ZNF248: variants seen among roughly 807,000 people sequenced by gnomAD.
ZNF248 encodes zinc finger protein 248, also known as KRAB protein domain.
In ZNF248, 20 loss-of-function variants were observed where a neutral mutation model predicts 44.3. The ratio of observed to expected loss-of-function variants is 0.45; its 90% CI spans 0.32 to 0.66. The LOEUF is 0.66. ZNF248 is among the 30% of genes least tolerant of loss of function. The pLI is 0.04. For synonymous variants in ZNF248, 224 were observed against 229.0 expected (o/e 0.98, Z 0.20); for missense variants, 654 against 677.0 (o/e 0.97, Z 0.38).
the ZNF248 span, among the ~76,000 whole-genome samples, chr10:37,765,932 C>T: frequency 6.6e-6 from 1 of 152,220 alleles, no homozygotes; most frequent in Non-Finnish European, 1.5e-5. Context: ...TTCCAACGGG[C>T]TTAAAAAACG....
chr10:37,784,780 C>T (rs2047691892), intron 6 of ZNF248, among the ~76,000 whole-genome samples: 1 of 151,888 alleles, frequency 6.6e-6, no homozygotes, highest in Non-Finnish European at 1.5e-5. Flanking sequence ...TCAATGGAAC[C>T]CGGTGAGGAG....
At chr10:37,826,095 G>T (rs1323193955), downstream of ZNF248, among the ~76,000 whole-genome samples, 1 of 152,140 alleles carries the variant, frequency 6.6e-6, no homozygotes, top group African/African-American at 2.4e-5. Context: ...AAATGATCAG[G>T]TAAGGGTAGA....
chr10:37,819,360 G>A lies in ZNF248; in HGVS notation c.330+13665C>T, dbSNP rs559276846. ...AGCTTAATTATTCTGGGATGATCCAGTTCTTTATGAATCCAGTATTCCCTA... is the reference window on the plus strand; with the variant it reads ...AGCTTAATTATTCTGGGATGATCCAATTCTTTATGAATCCAGTATTCCCTA... On this transcript the variant is annotated intron_variant, in intron 6 of 6. Coordinates refer to the ZNF248 transcript ENST00000615949. 1.5e-5 allele frequency: 19 copies of A among 1,251,070 alleles called. No homozygotes were observed. In the South Asian group the frequency reaches 2.0e-4, roughly 13 times the overall value. The allele number at this position is 1,251,070 out of a possible 1,614,324, so 77.5% of individuals were successfully genotyped here.
chr10:37,847,362 T>A (rs1290953934), intron 3 of ZNF248, among the ~76,000 whole-genome samples: 6 of 152,308 alleles, frequency 3.9e-5, no homozygotes, highest in Non-Finnish European at 8.8e-5. Flanking sequence ...ATATCCTAGT[T>A]ATTTCTTATT....
intron 6 of ZNF248, among the ~76,000 whole-genome samples, chr10:37,788,918 C>G (rs1362408095): frequency 1.3e-5 from 2 of 151,502 alleles, no homozygotes; most frequent in African/African-American, 4.9e-5. Flanking sequence ...GTCTCCCAGG[C>G]TGGAGTGCAG....
chr10:37,827,522 T>C (rs890035899), downstream of ZNF248, among the ~76,000 whole-genome samples: 1 of 152,182 alleles, frequency 6.6e-6, no homozygotes, highest in Admixed American at 6.5e-5. Context: ...TTCTTTGTCA[T>C]CTGAAAGAGA....
chr10:37,760,643 G>A, the ZNF248 span, among the ~76,000 whole-genome samples: 20 of 152,308 alleles, frequency 1.3e-4, no homozygotes, highest in Non-Finnish European at 2.4e-4. Flanking sequence ...AGACAAGCCT[G>A]GTCAACATGG....
At chr10:37,789,058 G>C (rs1589089669) in intron 6 of ZNF248, among the ~76,000 whole-genome samples, 1 of 152,164 alleles carries the variant, frequency 6.6e-6, no homozygotes, top group African/African-American at 2.4e-5. Flanking sequence ...TTTTGTTAGA[G>C]ATGGGGTTTC....
the ZNF248 span, among the ~76,000 whole-genome samples, chr10:37,758,732 A>G: frequency 6.6e-6 from 1 of 152,228 alleles, no homozygotes; most frequent in African/African-American, 2.4e-5. Context: ...CACAAAGTAC[A>G]AATATATAAT....
chr10:37,819,675 G>T lies in ZNF248; in HGVS notation c.330+13350C>A, dbSNP rs1185209712. ...TGGATCTCTGCTTCCTCCTTTTTAA[G>T]ATGACCTAACCGGAGTTTGAAGATT... On this transcript the variant is annotated intron_variant, in intron 6 of 6. Transcript: ENST00000615949. 8.8e-6 allele frequency: 7 copies of T among 794,346 alleles called. No homozygotes were observed. The African/African-American group carries it at 1.0e-4, about 11-fold the overall frequency. 49.2% of individuals were successfully genotyped at this position (794,346 alleles called of 1,614,324 possible).
intron 6 of ZNF248, among the ~76,000 whole-genome samples, chr10:37,777,642 G>A (rs527331103): frequency 2.1e-5 from 3 of 146,256 alleles, no homozygotes; most frequent in Non-Finnish European, 3.0e-5. Context: ...CCACCAACTC[G>A]TCATCTAGCA....
At chr10:37,854,649 G>C (rs1048196774) in intron 3 of ZNF248, among the ~76,000 whole-genome samples, 1 of 152,114 alleles carries the variant, frequency 6.6e-6, no homozygotes, top group South Asian at 2.1e-4. Flanking sequence ...ACTATCTCTA[G>C]GACAGGCATT....
At chr10:37,835,170 CAA>C (rs1336412624) in intron 5 of ZNF248, among the ~76,000 whole-genome samples, 1 of 151,818 alleles carries the variant, frequency 6.6e-6, no homozygotes, top group Non-Finnish European at 1.5e-5. Flanking sequence ...AGAAATTAGA[CAA>C]CTAACAATTA....
intron 6 of ZNF248, among the ~76,000 whole-genome samples, chr10:37,785,820 T>C (rs1390850296): frequency 6.6e-6 from 1 of 152,200 alleles, no homozygotes; most frequent in Non-Finnish European, 1.5e-5. Context: ...ACCCAGATTC[T>C]TGAAGATTGG....
chr10:37,847,722 A>T (rs1010381248), intron 3 of ZNF248, among the ~76,000 whole-genome samples: 1 of 148,176 alleles, frequency 6.7e-6, no homozygotes, highest in Non-Finnish European at 1.5e-5. Context: ...ATACTTACTG[A>T]TATGTTTACA....
chr10:37,790,743 AAAAAAT>A (rs1564471893), intron 6 of ZNF248, among the ~76,000 whole-genome samples: 1 of 148,414 alleles, frequency 6.7e-6, no homozygotes, highest in Non-Finnish European at 1.5e-5. Flanking sequence ...TAATTTTTTA[AAAAAAT>A]AAAAATAAAA....
At chr10:37,848,133 CAT>C (rs1443653632) in intron 3 of ZNF248, among the ~76,000 whole-genome samples, 1 of 152,020 alleles carries the variant, frequency 6.6e-6, no homozygotes, top group East Asian at 1.9e-4. Flanking sequence ...ATTAGCTGCC[CAT>C]AGTGGCACAC....
In ZNF248 at chr10:37,830,144, G is replaced by A; in HGVS notation, c.*1471C>T. 1.0e-6 allele frequency: 1 copy of A among 985,366 alleles called. No homozygotes were observed. The highest frequency in any genetic ancestry group is 1.2e-6 in the Non-Finnish European group (1 of 829,926). 61.0% of individuals were successfully genotyped at this position (985,366 alleles called of 1,614,324 possible). ...ATGAAAAATCAAGGATATCAAAAGG[G>A]CCTTTCATTACATACCGCCACTTTT... On this transcript the variant is annotated 3_prime_UTR_variant, in exon 6 of 6. Transcript: ENST00000395867.
At position 37,837,902 on chromosome 10, in the gene ZNF248, T is replaced by C; in HGVS notation, c.142+83A>G. 3 of 1,541,938 alleles carry C rather than the reference T, an allele frequency of 1.9e-6. No individual in the cohort carries two copies. In the South Asian group the frequency reaches 3.6e-5, roughly 19 times the overall value. On this transcript the variant is annotated intron_variant, in intron 4 of 5. Coordinates refer to ENST00000395867, the MANE Select transcript of ZNF248 (RefSeq NM_021045.3). ...ATCAGTCATCTCAGAGCCTTCAATC[T>C]CAAGCTTTACATCAGAAAACTACAG...
Sources: allele counts gnomAD v4.1 joint callset (sites outside exome capture counted in the v4.1 genomes callset), GRCh38; gene constraint gnomAD v4.1.1; transcripts MANE v1.5; gene names NCBI Gene and HGNC (gene_info 2026-07-23, HGNC 2026-07-21).